VAV2: variants seen among roughly 807,000 people sequenced by gnomAD.
The protein encoded by VAV2 is guanine nucleotide exchange factor VAV2.
Under a neutral mutation model 132.5 loss-of-function variants are expected in VAV2, and 67 were observed. The ratio of observed to expected loss-of-function variants is 0.51; its 90% CI spans 0.42 to 0.62. VAV2 has a LOEUF of 0.62. Among genes scored for constraint, VAV2 ranks in the 20% least tolerant of loss-of-function variants. The probability of loss-of-function intolerance (pLI) is 0.00; values close to 1 mark genes in which losing one functional copy is unlikely to be tolerated. For synonymous variants in VAV2, 492 were observed against 443.5 expected, an observed-to-expected ratio of 1.11 and a Z score of -1.37; for missense variants, 938 against 1,153.6, an observed-to-expected ratio of 0.81 and a Z score of 2.71.
At chr9:133,954,348 C>G (rs891184497) in intron 1 of VAV2, among the ~76,000 whole-genome samples, 1 of 152,238 alleles carries the variant, frequency 6.6e-6, no homozygotes, top group African/African-American at 2.4e-5. Flanking sequence ...GTTCTGTCAC[C>G]ATGGGGCGGC....
In VAV2 at chr9:133,834,635, C is replaced by T. The variant is rs780578408; in HGVS notation, c.381-295G>A. ...AGACGAGAGGCCCAGGTCAGGGCTGCAGAAAGCGTTCATCTGCTGGGCGAC... is the reference window on the plus strand; with the variant it reads ...AGACGAGAGGCCCAGGTCAGGGCTGTAGAAAGCGTTCATCTGCTGGGCGAC... On this transcript the variant is annotated intron_variant, in intron 3 of 29. Transcript: ENST00000371850. The surrounding 1 kb of genome is among the most constrained non-coding windows in gnomAD (Gnocchi z 5.9). 4.5e-4 allele frequency among the ~76,000 whole-genome samples: 69 copies of T among 152,254 alleles called. No homozygotes were observed. Among genetic ancestry groups the T allele is most frequent in the Non-Finnish European group, 8.7e-4 (59 of 68,046 alleles).
intron 1 of VAV2, among the ~76,000 whole-genome samples, chr9:133,980,279 C>T (rs1025734872): frequency 6.6e-6 from 1 of 152,226 alleles, no homozygotes; most frequent in African/African-American, 2.4e-5. Flanking sequence ...CCTCAACCCC[C>T]ACACAGCTGC....
At chr9:133,814,386 G>A (rs971816458) in intron 4 of VAV2, among the ~76,000 whole-genome samples, 44 of 152,206 alleles carry the variant, frequency 2.9e-4, no homozygotes, top group Admixed American at 1.9e-3. Context: ...GCCACCCCAC[G>A]TTTCCGTCAC....
At chr9:133,785,731 C>T in intron 17 of VAV2, 45 bp downstream of exon 17, 1 of 1,587,086 alleles carries the variant, frequency 6.3e-7, no homozygotes, top group South Asian at 1.1e-5. Flanking sequence ...ACCCCCCATA[C>T]AACTCATCTG....
intron 3 of VAV2, among the ~76,000 whole-genome samples, chr9:133,835,401 G>A (rs1008509019): frequency 4.7e-5 from 7 of 148,928 alleles, no homozygotes; most frequent in African/African-American, 1.2e-4. Context: ...GGGGAGAGGC[G>A]GAAGGGAGGG....
chr9:133,812,303 C>T (rs978280848), intron 4 of VAV2, 87 bp from the exon 5 acceptor site: 45 of 1,356,144 alleles, frequency 3.3e-5, no homozygotes, highest in Middle Eastern at 4.2e-4. Flanking sequence ...CCACGAGGGA[C>T]GCAGGCGGCT....
chr9:133,974,940 G>A (rs976787109), intron 1 of VAV2, among the ~76,000 whole-genome samples: 1 of 152,160 alleles, frequency 6.6e-6, no homozygotes, highest in African/African-American at 2.4e-5. Context: ...GTACCGTGGG[G>A]AGCGGGCCTC....
chr9:133,832,497 T>C (rs1159971448), intron 4 of VAV2, among the ~76,000 whole-genome samples: 1 of 152,178 alleles, frequency 6.6e-6, no homozygotes, highest in East Asian at 1.9e-4. Flanking sequence ...AGGGTTGAGA[T>C]GGACAGTCCC....
intron 26 of VAV2, among the ~76,000 whole-genome samples, chr9:133,771,562 G>A (rs571108069): frequency 2.6e-4 from 39 of 152,228 alleles, no homozygotes; most frequent in Non-Finnish European, 4.1e-4. Context: ...GTGGGGGTGA[G>A]TCGGAGAAGA....
chr9:133,939,318 G>A (rs534840991), intron 1 of VAV2, 99 bp from the exon 2 acceptor site: 4 of 1,050,932 alleles, frequency 3.8e-6, no homozygotes, highest in East Asian at 2.4e-5. Context: ...TGGCTTCCGT[G>A]CGCCAGCACA....
intron 2 of VAV2, among the ~76,000 whole-genome samples, chr9:133,881,387 G>A (rs759436016): frequency 5.3e-5 from 8 of 152,324 alleles, no homozygotes; most frequent in East Asian, 1.9e-4. Context: ...AAGGAGGAGC[G>A]CCCAGCTCTC....
rs1837413782 is a variant in VAV2, at chr9:133,857,098, C to G, written c.380+4276G>C. 6.6e-6 allele frequency among the ~76,000 whole-genome samples: 1 copy of G among 152,176 alleles called. No homozygotes were observed. On this transcript the variant is annotated intron_variant, in intron 3 of 29. Coordinates refer to ENST00000371850, the MANE Select transcript of VAV2 (RefSeq NM_001134398.2). This position sits in a 1 kb window ranked among gnomAD's most constrained non-coding sequence, Gnocchi z 4.0. ...CAGAAGCTTCCTTCATGGGACCTGA[C>G]CTCCCAGCCTGAGGACACCTTTCGG...
rs1434511856 is a variant in VAV2, at chr9:133,833,967, T to C, written c.449+305A>G. On this transcript the variant is annotated intron_variant, in intron 4 of 29. Transcript: ENST00000371850. The surrounding 1 kb of genome is among the most constrained non-coding windows in gnomAD (Gnocchi z 5.6). ...ACAGCTTCGCAGAGACAAGCCCTCA[T>C]GGAGGACCCTGCTAGGGCAATGGGC... 6.6e-6 allele frequency among the ~76,000 whole-genome samples: 1 copy of C among 152,130 alleles called. No homozygotes were observed. Among genetic ancestry groups the C allele is most frequent in the East Asian group, 1.9e-4 (1 of 5,172 alleles).
intron 4 of VAV2, among the ~76,000 whole-genome samples, chr9:133,828,666 T>G (rs1225094176): frequency 6.6e-6 from 1 of 152,222 alleles, no homozygotes; most frequent in Non-Finnish European, 1.5e-5. Flanking sequence ...CCCTGTGCCT[T>G]CCTGAGGGAG....
chr9:133,874,475 T>C (rs1376678936), intron 2 of VAV2, among the ~76,000 whole-genome samples: 1 of 152,168 alleles, frequency 6.6e-6, no homozygotes, highest in Non-Finnish European at 1.5e-5. Context: ...AGTCCCTCTT[T>C]AATCAGAGGC....
intron 1 of VAV2, among the ~76,000 whole-genome samples, chr9:133,950,084 G>T: frequency 6.6e-6 from 1 of 152,338 alleles, no homozygotes; most frequent in Non-Finnish European, 1.5e-5. Context: ...GCCATGAGGA[G>T]TGGGTTCTCA....
intron 1 of VAV2, among the ~76,000 whole-genome samples, chr9:133,944,590 T>C (rs1480281670): frequency 1.3e-5 from 2 of 152,192 alleles, no homozygotes; most frequent in African/African-American, 4.8e-5. Flanking sequence ...ACTGGCCCAC[T>C]GCACAGACAG....
intron 1 of VAV2, among the ~76,000 whole-genome samples, chr9:133,950,021 C>T (rs1390252358): frequency 6.6e-6 from 1 of 152,190 alleles, no homozygotes; most frequent in African/African-American, 2.4e-5. Context: ...TCCAGGAACC[C>T]CAGTGCTGGG....
intron 2 of VAV2, among the ~76,000 whole-genome samples, chr9:133,878,847 A>G (rs1838373225): frequency 1.3e-5 from 2 of 152,266 alleles, no homozygotes; most frequent in African/African-American, 4.8e-5. Context: ...GAGCACTCGG[A>G]GTGGAAGCGC....
Sources: allele counts gnomAD v4.1 joint callset (sites outside exome capture counted in the v4.1 genomes callset), GRCh38; gene constraint gnomAD v4.1.1; non-coding constraint Gnocchi (gnomAD v3.1); transcripts MANE v1.5; gene names NCBI Gene and HGNC (gene_info 2026-07-23, HGNC 2026-07-21).